The following EYS variants were observed in gnomAD, a reference collection of about 807,000 sequenced individuals.
EYS encodes protein eyes shut homolog.
In EYS, 250 loss-of-function variants were observed where a neutral mutation model predicts 282.1. The observed-to-expected ratio is 0.89, with a 90% CI of 0.80 to 0.98. The LOEUF (loss-of-function observed/expected upper bound fraction) is 0.98. Among genes scored for constraint, EYS ranks in the 50% least tolerant of loss-of-function variants. The pLI is 0.00. For synonymous variants in EYS, 1,355 were observed against 1,282.9 expected (o/e 1.06, Z -1.20); for missense variants, 4,016 against 3,709.0 (o/e 1.08, Z -2.15).
At chr6:64,948,450 A>T (rs913888098) in intron 14 of EYS, among the ~76,000 whole-genome samples, 1 of 147,356 alleles carries the variant, frequency 6.8e-6, no homozygotes, top group Non-Finnish European at 1.5e-5. Context: ...TAAATATTGT[A>T]TTTAATATTA....
At chr6:64,059,019 C>G (rs1582211367) in intron 33 of EYS, among the ~76,000 whole-genome samples, 1 of 152,148 alleles carries the variant, frequency 6.6e-6, no homozygotes, top group East Asian at 1.9e-4. Flanking sequence ...TTGATGGTGA[C>G]TTACTGAAGA....
chr6:63,939,637 A>T (rs908552222), intron 35 of EYS, among the ~76,000 whole-genome samples: 1 of 152,204 alleles, frequency 6.6e-6, no homozygotes, highest in Non-Finnish European at 1.5e-5. Context: ...TTCAATAAAT[A>T]TATTGAAATA....
intron 12 of EYS, among the ~76,000 whole-genome samples, chr6:65,167,971 A>G (rs2150225567): frequency 6.6e-6 from 1 of 151,350 alleles, no homozygotes; most frequent in East Asian, 2.0e-4. Flanking sequence ...TGATATTTTT[A>G]CAGCTTGTCA....
At chr6:65,309,066 G>T (rs1269114567) in intron 11 of EYS, among the ~76,000 whole-genome samples, 1 of 152,022 alleles carries the variant, frequency 6.6e-6, no homozygotes, top group African/African-American at 2.4e-5. Context: ...AACCTATAGG[G>T]TTAAAAAAAT....
intron 29 of EYS, among the ~76,000 whole-genome samples, chr6:64,334,645 C>A (rs189593210): frequency 6.6e-6 from 1 of 152,132 alleles, no homozygotes; most frequent in South Asian, 2.1e-4. Flanking sequence ...CTTAGACTTG[C>A]TAGCCATACA....
chr6:63,961,373 C>T (rs1214969052), intron 35 of EYS, among the ~76,000 whole-genome samples: 1 of 151,694 alleles, frequency 6.6e-6, no homozygotes, highest in Non-Finnish European at 1.5e-5. Context: ...AGCGATTAAC[C>T]TTGTGAAATT....
At chr6:65,054,738 T>C (rs1021444612) in intron 13 of EYS, among the ~76,000 whole-genome samples, 1 of 152,022 alleles carries the variant, frequency 6.6e-6, no homozygotes, top group Middle Eastern at 3.4e-3. Flanking sequence ...TTTTTGCTTT[T>C]TTGTTTTATG....
chr6:65,265,129 T>C (rs1307209402), intron 12 of EYS, among the ~76,000 whole-genome samples: 2 of 151,954 alleles, frequency 1.3e-5, no homozygotes, highest in African/African-American at 4.8e-5. Context: ...GTTGAAAAAC[T>C]AATTATTGGG....
chr6:64,350,679 T>C (rs1048544927), intron 29 of EYS, among the ~76,000 whole-genome samples: 1 of 151,668 alleles, frequency 6.6e-6, no homozygotes, highest in Non-Finnish European at 1.5e-5. Flanking sequence ...TCTGGAATTA[T>C]TCTGGGAAGA....
At chr6:65,323,874 TC>T (rs1193910946) in intron 11 of EYS, among the ~76,000 whole-genome samples, 1 of 150,582 alleles carries the variant, frequency 6.6e-6, no homozygotes, top group Non-Finnish European at 1.5e-5. Flanking sequence ...CACTGGCATA[TC>T]CCTCAGGGTA....
chr6:65,557,610 C>T (rs934664307), intron 2 of EYS, among the ~76,000 whole-genome samples: 3 of 152,122 alleles, frequency 2.0e-5, no homozygotes, highest in African/African-American at 7.2e-5. Context: ...CCCAGAACTG[C>T]CACTCTTTAC....
intron 34 of EYS, among the ~76,000 whole-genome samples, chr6:63,998,421 T>C (rs941326373): frequency 5.9e-5 from 9 of 152,224 alleles, no homozygotes; most frequent in Non-Finnish European, 1.2e-4. Flanking sequence ...AGGCAGTGCA[T>C]AGTGGCTGCT....
intron 12 of EYS, among the ~76,000 whole-genome samples, chr6:65,157,068 T>C (rs1300703743): frequency 6.6e-6 from 1 of 151,142 alleles, no homozygotes; most frequent in Non-Finnish European, 1.5e-5. Context: ...CAAGTTACTC[T>C]TTTAAGTGTT....
At chr6:65,208,701 G>T (rs1766097535) in intron 12 of EYS, among the ~76,000 whole-genome samples, 1 of 151,728 alleles carries the variant, frequency 6.6e-6, no homozygotes, top group Admixed American at 6.6e-5. Flanking sequence ...CTTACAAACA[G>T]AAAAATCAGT....
chr6:65,398,193 C>G (rs1766361549), intron 7 of EYS, among the ~76,000 whole-genome samples: 1 of 151,818 alleles, frequency 6.6e-6, no homozygotes, highest in Non-Finnish European at 1.5e-5. Context: ...AATGTTTCTC[C>G]TATTCTATAG....
intron 2 of EYS, among the ~76,000 whole-genome samples, chr6:65,627,781 G>A (rs1269982736): frequency 2.0e-5 from 3 of 152,218 alleles, no homozygotes; most frequent in African/African-American, 7.2e-5. Flanking sequence ...GCCTTCCCGC[G>A]GGGTAGGGCT....
chr6:65,164,505 CTT>C (rs1282550515), intron 12 of EYS, among the ~76,000 whole-genome samples: 2 of 151,258 alleles, frequency 1.3e-5, no homozygotes, highest in Non-Finnish European at 1.5e-5. Flanking sequence ...TATCACCTCT[CTT>C]GACTTCTGAT....
At chr6:64,345,590 T>C (rs1028363415) in intron 29 of EYS, among the ~76,000 whole-genome samples, 20 of 151,780 alleles carry the variant, frequency 1.3e-4, no homozygotes, top group African/African-American at 4.4e-4. Flanking sequence ...CCTAAAACCA[T>C]AAAAACCCTA....
chr6:64,367,436 T>C (rs1772216618), intron 29 of EYS, among the ~76,000 whole-genome samples: 1 of 152,028 alleles, frequency 6.6e-6, no homozygotes, highest in Admixed American at 6.6e-5. Flanking sequence ...ACTTCTGCTC[T>C]CCTATTCTTC....
Sources: gnomAD v4.1 joint callset for allele counts (sites outside exome capture counted in the v4.1 genomes callset) on GRCh38, gnomAD v4.1.1 for gene constraint, MANE v1.5 for transcripts, NCBI Gene and HGNC (gene_info 2026-07-23, HGNC 2026-07-21) for gene names.